The following SOX5 variants were observed in gnomAD, a reference collection of about 807,000 sequenced individuals.
SOX5 encodes the protein transcription factor SOX-5.
A neutral mutation model predicts 92.0 loss-of-function variants in SOX5; 9 were observed. That is an observed-to-expected ratio of 0.10 (90% CI 0.06 to 0.17). SOX5 has a LOEUF of 0.17. Ranked by LOEUF, SOX5 falls within the 10% of genes least tolerant of loss-of-function variation. The pLI is 1.00. For missense variants in SOX5, 642 were observed against 944.5 expected (o/e 0.68, Z 4.20); for synonymous variants, 344 against 336.3 (o/e 1.02, Z -0.25).
intron 6 of SOX5, among the ~76,000 whole-genome samples, chr12:23,689,286 T>G (rs992671048): frequency 5.3e-5 from 8 of 152,094 alleles, no homozygotes; most frequent in African/African-American, 9.7e-5. Flanking sequence ...ATTAGATTTT[T>G]TTGTTGTTGT....
chr12:24,172,939 C>G (rs957492350), intron 4 of SOX5, among the ~76,000 whole-genome samples: 2 of 152,112 alleles, frequency 1.3e-5, no homozygotes, highest in South Asian at 4.1e-4. Flanking sequence ...ACCCTAGGAA[C>G]CTTTTCATAA....
intron 1 of SOX5, among the ~76,000 whole-genome samples, chr12:24,558,468 A>C (rs1418027863): frequency 3.3e-5 from 5 of 152,206 alleles, no homozygotes; most frequent in East Asian, 1.9e-4. Flanking sequence ...ATAGTCCTAC[A>C]GAAATGTCCC....
At chr12:24,382,215 G>C (rs1957894866) in intron 1 of SOX5, among the ~76,000 whole-genome samples, 1 of 152,186 alleles carries the variant, frequency 6.6e-6, no homozygotes, top group African/African-American at 2.4e-5. Context: ...TAGTAGAAGG[G>C]AGGGCCTCCG....
chr12:24,042,615 T>A (rs1956631872), intron 4 of SOX5, among the ~76,000 whole-genome samples: 1 of 152,168 alleles, frequency 6.6e-6, no homozygotes, highest in African/African-American at 2.4e-5. Flanking sequence ...TATCATTTGC[T>A]TTAGTGATAG....
chr12:24,248,409 TTTCTTC>T (rs897334771), intron 3 of SOX5, among the ~76,000 whole-genome samples: 2 of 152,272 alleles, frequency 1.3e-5, no homozygotes, highest in Admixed American at 1.3e-4. Flanking sequence ...GTGTCTTTCT[TTTCTTC>T]TTCTTCTTCA....
intron 11 of SOX5, among the ~76,000 whole-genome samples, chr12:23,549,456 A>AAGGT (rs758977613): frequency 3.9e-4 from 60 of 152,066 alleles, no homozygotes; most frequent in Non-Finnish European, 7.1e-4. Flanking sequence ...CCCCCATTTA[A>AAGGT]AGGTCACCAT....
At chr12:23,641,640 G>A (rs1425171022) in intron 7 of SOX5, among the ~76,000 whole-genome samples, 1 of 152,000 alleles carries the variant, frequency 6.6e-6, no homozygotes, top group Non-Finnish European at 1.5e-5. Context: ...ACATAGAGAA[G>A]GTTATTCTGC....
chr12:24,038,928 A>G (rs553634380), intron 4 of SOX5, among the ~76,000 whole-genome samples: 1 of 152,336 alleles, frequency 6.6e-6, no homozygotes, highest in South Asian at 2.1e-4. Context: ...ATTAAAAACT[A>G]AAAGTTATTA....
chr12:24,306,081 T>C (rs1352409561), intron 2 of SOX5, among the ~76,000 whole-genome samples: 2 of 152,130 alleles, frequency 1.3e-5, no homozygotes, highest in East Asian at 3.9e-4. Context: ...GTGCAAATTG[T>C]GTATCACTCT....
intron 3 of SOX5, among the ~76,000 whole-genome samples, chr12:24,247,782 C>G (rs761739785): frequency 6.6e-6 from 1 of 150,568 alleles, no homozygotes; most frequent in African/African-American, 2.4e-5. Flanking sequence ...TCTGGAGTAG[C>G]TGGGACTACA....
chr12:23,624,556 G>C (rs568804918), intron 8 of SOX5, among the ~76,000 whole-genome samples: 1 of 152,186 alleles, frequency 6.6e-6, no homozygotes, highest in Non-Finnish European at 1.5e-5. Flanking sequence ...ACTGAAAGCA[G>C]TTATAAAATG....
chr12:23,696,359 C>T (rs1485586746), intron 6 of SOX5, among the ~76,000 whole-genome samples: 1 of 152,006 alleles, frequency 6.6e-6, no homozygotes, highest in Admixed American at 6.6e-5. Context: ...GGTAGTCTGC[C>T]TTTCAGAGGG....
At chr12:24,402,421 A>C (rs1961943954) in intron 1 of SOX5, among the ~76,000 whole-genome samples, 1 of 152,088 alleles carries the variant, frequency 6.6e-6, no homozygotes, top group South Asian at 2.1e-4. Flanking sequence ...TATTGGTACA[A>C]TCCTGTTCCT....
chr12:23,736,660 G>GT (rs1303919812), intron 5 of SOX5, among the ~76,000 whole-genome samples: 1 of 145,630 alleles, frequency 6.9e-6, no homozygotes, highest in African/African-American at 2.6e-5. Flanking sequence ...TTGGAATATG[G>GT]TAAAAAAAAA....
chr12:24,173,886 G>A (rs1338466476), intron 4 of SOX5, among the ~76,000 whole-genome samples: 2 of 152,158 alleles, frequency 1.3e-5, no homozygotes, highest in Non-Finnish European at 2.9e-5. Flanking sequence ...ACAAAGCAAT[G>A]TTTCCCTGGG....
rs547312649 is a variant in SOX5, at chr12:23,736,689, C to CT, written c.742-1938dup. Among the ~76,000 whole-genome samples the CT allele has an allele frequency of 9.3e-3, 1,231 of 132,586 alleles. 20 individuals carry two copies. The highest frequency in any genetic ancestry group is 0.028 in the African/African-American group (985 of 35,478). 87.0% of individuals were successfully genotyped at this position (132,586 alleles called of 152,430 possible). A position where few individuals can be genotyped will look rare whatever the true frequency, so the allele number is the denominator to read the frequency against. ...AAAAAAAACACATTTTGTTCTTTCT[C>CT]TTTTTTTTTTTTTTTTTGAGACAGA... is the stretch of plus-strand genomic sequence containing the variant. On this transcript the variant is annotated intron_variant, in intron 5 of 14. Transcript: ENST00000451604.
chr12:23,829,427 G>A (rs373369931), intron 3 of SOX5, among the ~76,000 whole-genome samples: 3 of 152,268 alleles, frequency 2.0e-5, no homozygotes, highest in African/African-American at 7.2e-5. Context: ...TGAGGGAAAA[G>A]AGGCCTCAGA....
intron 4 of SOX5, among the ~76,000 whole-genome samples, chr12:24,097,157 G>T (rs1377987470): frequency 6.6e-6 from 1 of 152,024 alleles, no homozygotes; most frequent in Non-Finnish European, 1.5e-5. Context: ...CATCTTTATA[G>T]GTACGTGGTG....
chr12:23,645,037 A>G (rs544728901), intron 7 of SOX5, among the ~76,000 whole-genome samples: 1 of 152,286 alleles, frequency 6.6e-6, no homozygotes, highest in East Asian at 1.9e-4. Context: ...ATTTATCATG[A>G]ACAGAATTCT....
Sources: gnomAD v4.1 joint callset for allele counts (sites outside exome capture counted in the v4.1 genomes callset) on GRCh38, gnomAD v4.1.1 for gene constraint, MANE v1.5 for transcripts, NCBI Gene and HGNC (gene_info 2026-07-23, HGNC 2026-07-21) for gene names.